BCOR: variants seen among roughly 807,000 people sequenced by gnomAD.
The protein encoded by BCOR is BCL-6 corepressor.
A neutral mutation model predicts 86.7 loss-of-function variants in BCOR; 10 were observed. The observed-to-expected ratio is 0.12, with a 90% CI of 0.07 to 0.20. BCOR has a LOEUF of 0.20. Ranked by LOEUF, BCOR falls within the 10% of genes least tolerant of loss-of-function variation. BCOR has a pLI of 1.00. For synonymous variants in BCOR, 611 were observed against 609.0 expected, an observed-to-expected ratio of 1.00 and a Z score of -0.05; for missense variants, 1,259 against 1,452.1, an observed-to-expected ratio of 0.87 and a Z score of 2.16.
chrX:40,124,351 C>T (rs1362005731), intron 1 of BCOR, among the ~76,000 whole-genome samples: 5 of 109,756 alleles, frequency 4.6e-5, no homozygotes, highest in Admixed American at 9.7e-5. Flanking sequence ...TGGCTCACTA[C>T]AACCTTCACC....
chrX:40,143,956 T>C (rs1937982587), intron 1 of BCOR, among the ~76,000 whole-genome samples: 2 of 112,425 alleles, frequency 1.8e-5, no homozygotes, highest in African/African-American at 3.2e-5. Flanking sequence ...GACTCCGTCC[T>C]GAGAAACAAC....
At chrX:40,132,932 G>C (rs747243622) in intron 1 of BCOR, among the ~76,000 whole-genome samples, 16 of 111,718 alleles carry the variant, frequency 1.4e-4, no homozygotes, top group African/African-American at 3.6e-4. Flanking sequence ...ATTTTCAGGC[G>C]TGGGGCCAGG....
intron 13 of BCOR, 93 bp from the exon 14 acceptor site, chrX:40,054,135 T>C: frequency 1.3e-5 from 15 of 1,124,531 alleles, no homozygotes; most frequent in Non-Finnish European, 1.8e-5. Context: ...AATAACAAGA[T>C]TCTTTCCCAA....
intron 1 of BCOR, among the ~76,000 whole-genome samples, chrX:40,131,831 C>A (rs1418971840): frequency 3.6e-5 from 4 of 111,594 alleles, no homozygotes; most frequent in Non-Finnish European, 5.6e-5. Context: ...TCAGCAAGAT[C>A]ATCTCACTGA....
intron 6 of BCOR, among the ~76,000 whole-genome samples, chrX:40,070,588 TCAA>T (rs1935426907): frequency 9.0e-6 from 1 of 111,678 alleles, no homozygotes; most frequent in East Asian, 2.8e-4. Context: ...TCATCCTACT[TCAA>T]CAACATCTAT....
intron 1 of BCOR, among the ~76,000 whole-genome samples, chrX:40,092,756 T>C (rs1359901924): frequency 8.9e-6 from 1 of 112,312 alleles, no homozygotes; most frequent in East Asian, 2.8e-4. Flanking sequence ...AAAGAAACTA[T>C]AACCAGAGAT....
intron 3 of BCOR, among the ~76,000 whole-genome samples, chrX:40,076,083 C>G (rs1260020001): frequency 8.9e-6 from 1 of 112,430 alleles, no homozygotes; most frequent in Non-Finnish European, 1.9e-5. Context: ...TTTTGACTTC[C>G]TCTCCCTTGT....
intron 1 of BCOR, among the ~76,000 whole-genome samples, chrX:40,158,196 G>T (rs1938336088): frequency 8.9e-6 from 1 of 112,508 alleles, no homozygotes; most frequent in African/African-American, 3.2e-5. Flanking sequence ...CTGTCAGGAC[G>T]AAGTGGCAGG....
intron 6 of BCOR, among the ~76,000 whole-genome samples, chrX:40,069,842 T>A (rs1002896914): frequency 1.8e-5 from 2 of 112,107 alleles, no homozygotes; most frequent in African/African-American, 3.2e-5. Flanking sequence ...TTCAGGTACA[T>A]TGAGTCCCTG....
intron 1 of BCOR, among the ~76,000 whole-genome samples, chrX:40,174,686 C>A (rs1938703763): frequency 8.9e-6 from 1 of 112,575 alleles, no homozygotes; most frequent in South Asian, 3.6e-4. Context: ...CCTCTCTTCG[C>A]GTTCTATTAA....
chrX:40,153,454 C>A (rs936208841), intron 1 of BCOR, among the ~76,000 whole-genome samples: 1 of 112,045 alleles, frequency 8.9e-6, no homozygotes, highest in Non-Finnish European at 1.9e-5. Context: ...TCTGAGCAGG[C>A]ATGTGGATGA....
chrX:40,160,165 G>C (rs1023195911), intron 1 of BCOR, among the ~76,000 whole-genome samples: 4 of 109,857 alleles, frequency 3.6e-5, no homozygotes, highest in African/African-American at 6.6e-5. Context: ...TGGAGTGCTG[G>C]AGCGCAGTGG....
rs1388618602 is a variant in BCOR, at chrX:40,120,181, G to C, written c.-40-42212C>G. 1.1e-4 allele frequency among the ~76,000 whole-genome samples: 12 copies of C among 110,762 alleles called. No homozygotes were observed. The East Asian group carries it at 2.9e-3, about 27-fold the overall frequency. ...AAAGCGTGGAGTTGGCAGCATTAAC[G>C]GGTTGCCTAGGCCCCCACCCTGTCT... On this transcript the variant is annotated intron_variant, in intron 1 of 14. Coordinates refer to the BCOR transcript ENST00000342274.
chrX:40,123,014 G>A (rs756206020), intron 1 of BCOR, among the ~76,000 whole-genome samples: 9 of 111,138 alleles, frequency 8.1e-5, no homozygotes, highest in African/African-American at 1.3e-4. Context: ...ATCTGACCTC[G>A]TTCCTGGGCC....
At chrX:40,072,309 C>T (rs1443401662) in intron 4 of BCOR, 40 bp downstream of exon 4, 1 of 1,177,657 alleles carries the variant, frequency 8.5e-7, no homozygotes, top group Admixed American at 2.3e-5. Flanking sequence ...AAAAAACTGA[C>T]AACTGGTAAA....
intron 1 of BCOR, among the ~76,000 whole-genome samples, chrX:40,117,945 C>T (rs1937420186): frequency 9.4e-6 from 1 of 106,115 alleles, no homozygotes. Flanking sequence ...AGGAAGTATA[C>T]TATGCTCGCA....
intron 1 of BCOR, among the ~76,000 whole-genome samples, chrX:40,115,709 G>A (rs1937382773): frequency 1.9e-5 from 2 of 107,555 alleles, no homozygotes; most frequent in Non-Finnish European, 1.9e-5. Context: ...CCCAGGAGGC[G>A]GAAACTCTAG....
intron 3 of BCOR, 100 bp downstream of exon 3, chrX:40,076,354 T>G: frequency 4.7e-6 from 3 of 639,694 alleles, no homozygotes; most frequent in Non-Finnish European, 7.5e-6. Flanking sequence ...CTGCCACCCC[T>G]CCCCCATTCC....
At chrX:40,173,209 C>T (rs1330226424) in intron 1 of BCOR, among the ~76,000 whole-genome samples, 1 of 111,781 alleles carries the variant, frequency 8.9e-6, no homozygotes, top group African/African-American at 3.3e-5. Context: ...AATCCAGGCC[C>T]TATCTCTCCC....
Sources: gnomAD v4.1 joint callset for allele counts (sites outside exome capture counted in the v4.1 genomes callset) on GRCh38, gnomAD v4.1.1 for gene constraint, MANE v1.5 for transcripts, NCBI Gene and HGNC (gene_info 2026-07-23, HGNC 2026-07-21) for gene names.